RIMS2: variants seen among roughly 807,000 people sequenced by gnomAD.
RIMS2 encodes the protein regulating synaptic membrane exocytosis 2.
A neutral mutation model predicts 174.4 loss-of-function variants in RIMS2; 59 were observed. The observed-to-expected ratio is 0.34, with a 90% confidence interval of 0.27 to 0.42. The LOEUF is 0.42. Ranked by LOEUF, RIMS2 falls within the 10% of genes least tolerant of loss-of-function variation. The pLI, the probability that RIMS2 is intolerant of heterozygous loss-of-function variation, is 1.00. For synonymous variants in RIMS2, 606 were observed against 572.5 expected, an observed-to-expected ratio of 1.06 and a Z score of -0.84; for missense variants, 1,620 against 1,666.3, an observed-to-expected ratio of 0.97 and a Z score of 0.48.
At chr8:104,238,631 C>T (rs1012653023) in intron 19 of RIMS2, among the ~76,000 whole-genome samples, 9 of 151,956 alleles carry the variant, frequency 5.9e-5, no homozygotes, top group East Asian at 1.9e-4. Flanking sequence ...TTCTTAAAGA[C>T]GAAAAAGTCT....
At chr8:103,922,343 G>A (rs2077843326) in intron 10 of RIMS2, among the ~76,000 whole-genome samples, 1 of 151,844 alleles carries the variant, frequency 6.6e-6, no homozygotes, top group African/African-American at 2.4e-5. Flanking sequence ...CACATTAAGT[G>A]ATCCCTGATT....
chr8:103,972,640 C>T, intron 15 of RIMS2, among the ~76,000 whole-genome samples: 1 of 152,182 alleles, frequency 6.6e-6, no homozygotes, highest in East Asian at 1.9e-4. Flanking sequence ...CCTTGCTGTT[C>T]TGTGAACATG....
chr8:104,057,361 C>T (rs2096888446), intron 19 of RIMS2, among the ~76,000 whole-genome samples: 1 of 152,082 alleles, frequency 6.6e-6, no homozygotes, highest in Admixed American at 6.5e-5. Flanking sequence ...AGCCATCTCA[C>T]ACGGCTATAT....
At chr8:103,545,729 C>G (rs1330048099) in intron 1 of RIMS2, among the ~76,000 whole-genome samples, 4 of 152,130 alleles carry the variant, frequency 2.6e-5, no homozygotes, top group Admixed American at 2.6e-4. Context: ...CTTCAGCATT[C>G]TTAAAGAAAA....
At chr8:103,974,385 G>A (rs2093224102) in intron 15 of RIMS2, among the ~76,000 whole-genome samples, 1 of 152,192 alleles carries the variant, frequency 6.6e-6, no homozygotes, top group African/African-American at 2.4e-5. Context: ...GCCACAAAGA[G>A]TATGATGAAG....
chr8:103,880,226 A>C (rs1374754728), intron 3 of RIMS2, among the ~76,000 whole-genome samples: 1 of 151,638 alleles, frequency 6.6e-6, no homozygotes, highest in Non-Finnish European at 1.5e-5. Flanking sequence ...TGCAATTCAT[A>C]TAGGAGAAGG....
At chr8:104,014,475 C>G (rs1234412921) in intron 18 of RIMS2, 31 bp from the exon 21 acceptor site, 2 of 1,227,492 alleles carry the variant, frequency 1.6e-6, no homozygotes, top group Non-Finnish European at 2.4e-6. Context: ...ACTCATTATA[C>G]TGAAAATGAA....
At chr8:104,137,740 T>C (rs1307947151) in intron 19 of RIMS2, among the ~76,000 whole-genome samples, 1 of 152,218 alleles carries the variant, frequency 6.6e-6, no homozygotes, top group Non-Finnish European at 1.5e-5. Flanking sequence ...TTCACATATA[T>C]GTTAGAAATT....
At chr8:104,044,301 AGAACGAATGCTGGTT>A (rs139385685) in intron 19 of RIMS2, among the ~76,000 whole-genome samples, 10,908 of 151,758 alleles carry the variant, frequency 0.072, 526 homozygotes, top group Non-Finnish European at 0.099. Flanking sequence ...GAAAATGTTA[AGAACGAATGCTGGTT>A]GGAAGGAATG....
chr8:103,783,525 G>A, intron 3 of RIMS2, among the ~76,000 whole-genome samples: 1 of 151,270 alleles, frequency 6.6e-6, no homozygotes, highest in Non-Finnish European at 1.5e-5. Flanking sequence ...GTGGTGTTTG[G>A]TTTTTTGTTC....
At chr8:103,937,947 C>T (rs1487474618) in intron 13 of RIMS2, among the ~76,000 whole-genome samples, 4 of 152,184 alleles carry the variant, frequency 2.6e-5, no homozygotes, top group Admixed American at 1.3e-4. Context: ...CTCTTGGGCT[C>T]AAGTAATTCT....
intron 1 of RIMS2, among the ~76,000 whole-genome samples, chr8:103,671,281 G>A (rs2096741299): frequency 6.6e-6 from 1 of 152,074 alleles, no homozygotes; most frequent in Non-Finnish European, 1.5e-5. Context: ...TAAGATTTGG[G>A]TGTGGACACA....
chr8:103,516,705 A>G (rs554085075), intron 1 of RIMS2, among the ~76,000 whole-genome samples: 1 of 152,306 alleles, frequency 6.6e-6, no homozygotes, highest in Non-Finnish European at 1.5e-5. Flanking sequence ...AAACAAGGGA[A>G]AATTAAAAAT....
chr8:103,794,026 C>G (rs1002207947), intron 3 of RIMS2, among the ~76,000 whole-genome samples: 1 of 152,084 alleles, frequency 6.6e-6, no homozygotes, highest in Non-Finnish European at 1.5e-5. Context: ...TTTATAGATT[C>G]AATGCCATCC....
chr8:103,612,454 A>T (rs1244781954), intron 1 of RIMS2, among the ~76,000 whole-genome samples: 1 of 152,302 alleles, frequency 6.6e-6, no homozygotes, highest in South Asian at 2.1e-4. Flanking sequence ...AGGTATTTGA[A>T]TGGACATGGG....
intron 3 of RIMS2, among the ~76,000 whole-genome samples, chr8:103,827,581 G>A (rs753940565): frequency 6.6e-6 from 1 of 152,146 alleles, no homozygotes; most frequent in Non-Finnish European, 1.5e-5. Flanking sequence ...TCACGCCTGT[G>A]ATCCCAGCAC....
At chr8:103,669,784 G>T (rs1399917577) in intron 1 of RIMS2, among the ~76,000 whole-genome samples, 1 of 152,236 alleles carries the variant, frequency 6.6e-6, no homozygotes, top group African/African-American at 2.4e-5. Flanking sequence ...CTGTGGCTTT[G>T]CAGGGTACAG....
At position 104,097,468 on chromosome 8, in the gene RIMS2, C is replaced by G. The variant is rs146852704; in HGVS notation, c.3334+82853C>G. On this transcript the variant is annotated intron_variant, in intron 19 of 23. Transcript: ENST00000504942. ...AATTTCTATGCTCCCAACCAGTAGTCACTTTCTTGCACTTATTAACACATA... is the reference window on the plus strand; with the variant it reads ...AATTTCTATGCTCCCAACCAGTAGTGACTTTCTTGCACTTATTAACACATA... Among the ~76,000 whole-genome samples, 1,192 of 152,238 alleles carry G rather than the reference C, an allele frequency of 7.8e-3. 19 individuals are homozygous for G. Among genetic ancestry groups the G allele is most frequent in the African/African-American group, 0.027 (1,137 of 41,552 alleles).
In RIMS2 at chr8:103,867,623, C is replaced by T. The variant is rs142545579; in HGVS notation, c.699-17675C>T. Among the ~76,000 whole-genome samples the T allele has an allele frequency of 3.1e-3, 471 of 151,922 alleles. 4 individuals carry two copies. The highest frequency in any genetic ancestry group is 0.011 in the African/African-American group (443 of 41,490). On this transcript the variant is annotated intron_variant, in intron 3 of 23. Coordinates refer to ENST00000504942, the Ensembl canonical transcript of RIMS2. Reference sequence around the variant, plus strand: ...CCAAAGTAGCAATTGAGAGGAATTACAAAATTAGTTGTTCTACTTATGCTT... The same window carrying T: ...CCAAAGTAGCAATTGAGAGGAATTATAAAATTAGTTGTTCTACTTATGCTT...
Sources: gnomAD v4.1 joint callset for allele counts (sites outside exome capture counted in the v4.1 genomes callset) on GRCh38, gnomAD v4.1.1 for gene constraint, MANE v1.5 for transcripts, NCBI Gene and HGNC (gene_info 2026-07-23, HGNC 2026-07-21) for gene names.